ZNF780A: variants seen among roughly 807,000 people sequenced by gnomAD.
The protein encoded by ZNF780A is zinc finger protein 780A.
ZNF780A carries 40 observed loss-of-function variants against 56.7 expected under a neutral mutation model. The ratio of observed to expected loss-of-function variants is 0.71; its 90% CI spans 0.55 to 0.92. ZNF780A has a LOEUF of 0.92. Among genes scored for constraint, ZNF780A ranks in the 40% least tolerant of loss-of-function variants. The pLI is 0.00. For synonymous variants in ZNF780A, 231 were observed against 248.3 expected, an observed-to-expected ratio of 0.93 and a Z score of 0.66; for missense variants, 672 against 783.3, an observed-to-expected ratio of 0.86 and a Z score of 1.70.
In ZNF780A at chr19:40,077,721, CA is replaced by C. The variant is rs919979109; in HGVS notation, c.233-1513del. ...AGACACCAAAGGCACTGTTTACAGC[CA>C]AAAAAAAAATCATAACACTACATAA... On this transcript the variant is annotated intron_variant, in intron 5 of 5. Transcript: ENST00000683561. Among the ~76,000 whole-genome samples the C allele has an allele frequency of 1.2e-3, 179 of 146,962 alleles. 1 individual carries two copies. The highest frequency in any genetic ancestry group is 6.8e-3 in the Middle Eastern group (2 of 292).
At chr19:40,081,261 G>A (rs1031223056) in intron 5 of ZNF780A, among the ~76,000 whole-genome samples, 3 of 151,542 alleles carry the variant, frequency 2.0e-5, no homozygotes, top group African/African-American at 7.3e-5. Flanking sequence ...GGCTGGGCAC[G>A]ATGGCTCACA....
intron 2 of ZNF780A, among the ~76,000 whole-genome samples, chr19:40,087,025 T>G (rs1262103031): frequency 6.6e-6 from 1 of 152,284 alleles, no homozygotes; most frequent in East Asian, 1.9e-4. Context: ...TTCTTGAGTA[T>G]TATTGTTCAT....
intron 5 of ZNF780A, among the ~76,000 whole-genome samples, chr19:40,080,475 T>C (rs1472741452): frequency 6.6e-6 from 1 of 152,190 alleles, no homozygotes; most frequent in Non-Finnish European, 1.5e-5. Flanking sequence ...GTGGTACATA[T>C]ACACCAAGGA....
In ZNF780A at chr19:40,075,291, G is replaced by A. The variant is rs781573907; in HGVS notation, c.1151C>T (p.Thr384Ile). Reference sequence around the variant, plus strand: ...CTTACATTCAAACGGTTTTTCACCTGTGTGAATGTTCTTATGGCGATTAAG... The same window carrying A: ...CTTACATTCAAACGGTTTTTCACCTATGTGAATGTTCTTATGGCGATTAAG... Reference protein sequence around the residue: ...NQLNRHKNIHTGEKPFECKEC... With the variant: ...NQLNRHKNIHIGEKPFECKEC... The change falls in exon 6 of 6, where the codon ACA (threonine) becomes ATA (isoleucine). Residue 384 changes from threonine to isoleucine, a missense_variant. Physicochemically the swap from Thr to Ile is moderately conservative, Grantham distance 89. Transcript: ENST00000683561. 6.2e-7 allele frequency: 1 copy of A among 1,613,828 alleles called. No individual in the cohort carries two copies. The highest frequency in any genetic ancestry group is 8.5e-7 in the Non-Finnish European group (1 of 1,179,964).
chr19:40,089,736 A>G (rs945022544), intron 2 of ZNF780A, among the ~76,000 whole-genome samples: 1 of 152,104 alleles, frequency 6.6e-6, no homozygotes, highest in Admixed American at 6.6e-5. Flanking sequence ...CTCCCTGGAA[A>G]AATCCTGGCT....
intron 2 of ZNF780A, chr19:40,089,248 A>G (rs2144985679): frequency 2.1e-6 from 3 of 1,419,582 alleles, no homozygotes; most frequent in Middle Eastern, 1.9e-4. Context: ...TCATTCCACA[A>G]TGTATACATA....
chr19:40,085,987 T>C (rs947744229), intron 2 of ZNF780A, among the ~76,000 whole-genome samples: 1 of 123,102 alleles, frequency 8.1e-6, no homozygotes, highest in African/African-American at 3.9e-5. Context: ...TATATATATT[T>C]ATATATATAT....
intron 2 of ZNF780A, chr19:40,089,310 T>C (rs1294596231): frequency 7.3e-7 from 1 of 1,361,034 alleles, no homozygotes; most frequent in East Asian, 2.6e-5. Context: ...TATCTGTCGA[T>C]TTAAAAAGAA....
downstream of ZNF780A, chr19:40,070,697 G>A (rs903328656): frequency 6.6e-6 from 1 of 152,114 alleles, no homozygotes. Context: ...TACATAATTG[G>A]TTTGTAACTT....
chr19:40,070,726 G>A (rs1343400806), downstream of ZNF780A: 1 of 152,156 alleles, frequency 6.6e-6, no homozygotes, highest in Non-Finnish European at 1.5e-5. Context: ...ATTTTAAAGT[G>A]TTTTATTATG....
chr19:40,090,572 C>G (rs1422680996), intron 1 of ZNF780A: 1 of 152,274 alleles, frequency 6.6e-6, no homozygotes, highest in Non-Finnish European at 1.5e-5. Context: ...AGCTGTGAAG[C>G]GGAAAGAGGG....
intron 1 of ZNF780A, 41 bp from the exon 2 acceptor site, chr19:40,090,276 T>C (rs561297731): frequency 4.6e-5 from 7 of 152,318 alleles, no homozygotes; most frequent in South Asian, 2.1e-4. Context: ...CAGGCATTTC[T>C]TGGAGCGCAG....
At chr19:40,076,280 A>C in intron 5 of ZNF780A, 71 bp from the exon 6 acceptor site, 1 of 1,401,504 alleles carries the variant, frequency 7.1e-7, no homozygotes, top group East Asian at 2.4e-5. Flanking sequence ...TCCTTTTGTC[A>C]ACTGAAACCA....
chr19:40,079,391 A>G (rs960666804), intron 5 of ZNF780A, among the ~76,000 whole-genome samples: 1 of 150,982 alleles, frequency 6.6e-6, no homozygotes, highest in Non-Finnish European at 1.5e-5. Context: ...CAGTGCAATA[A>G]TCATTGGGGA....
intron 2 of ZNF780A, chr19:40,085,097 T>C (rs1334479239): frequency 1.0e-6 from 1 of 964,268 alleles, no homozygotes. Context: ...CCTCCATTCT[T>C]GGGATACCTA....
Position 40,076,227 on chromosome 19 carries a change from A to T in ZNF780A, c.233-18T>A. 1 of 1,531,044 alleles carries T rather than the reference A, an allele frequency of 6.5e-7. No individual in the cohort carries two copies. Among genetic ancestry groups the T allele is most frequent in the Non-Finnish European group, 8.7e-7 (1 of 1,146,028 alleles). 94.8% of individuals were successfully genotyped at this position (1,531,044 alleles called of 1,614,324 possible). On this transcript the variant is annotated intron_variant, in intron 5 of 5. Transcript: ENST00000683561. ...CTCCAAATCTGAAAGAAATGAAGAA[A>T]GCAAACCTATTTTATTTTCGTATAA...
At chr19:40,085,962 A>G (rs1035823284) in intron 2 of ZNF780A, among the ~76,000 whole-genome samples, 1 of 149,484 alleles carries the variant, frequency 6.7e-6, no homozygotes, top group Non-Finnish European at 1.5e-5. Context: ...GTGTATATAT[A>G]TATGTGTGTG....
At chr19:40,081,660 G>A (rs572223695) in intron 5 of ZNF780A, among the ~76,000 whole-genome samples, 159 bp downstream of exon 5, 27 of 152,264 alleles carry the variant, frequency 1.8e-4, no homozygotes, top group African/African-American at 6.5e-4. Flanking sequence ...GGCTTCTGCT[G>A]TAATCTTTAT....
chr19:40,071,291 T>A (rs1366418543), downstream of ZNF780A: 1 of 152,174 alleles, frequency 6.6e-6, no homozygotes, highest in African/African-American at 2.4e-5. Flanking sequence ...CACAATGGTA[T>A]CATGTTTTAT....
Sources: allele counts gnomAD v4.1 joint callset (sites outside exome capture counted in the v4.1 genomes callset), GRCh38; gene constraint gnomAD v4.1.1; transcripts MANE v1.5; gene names NCBI Gene and HGNC (gene_info 2026-07-23, HGNC 2026-07-21).